The following GALNTL6 variants were observed in gnomAD, a reference collection of about 807,000 sequenced individuals.
GALNTL6 encodes the protein polypeptide N-acetylgalactosaminyltransferase like 6.
GALNTL6 carries 46 observed loss-of-function variants against 73.7 expected under a neutral mutation model. The ratio of observed to expected loss-of-function variants is 0.62; its 90% CI spans 0.49 to 0.80. The LOEUF is 0.80. Among genes scored for constraint, GALNTL6 ranks in the 30% least tolerant of loss-of-function variants. The pLI is 0.00. For synonymous variants in GALNTL6, 259 were observed against 263.7 expected (o/e 0.98, Z 0.17); for missense variants, 604 against 755.0 (o/e 0.80, Z 2.34).
intron 2 of GALNTL6, among the ~76,000 whole-genome samples, chr4:172,056,370 A>G (rs984851203): frequency 6.6e-6 from 1 of 152,154 alleles, no homozygotes; most frequent in Non-Finnish European, 1.5e-5. Flanking sequence ...TGATTAAAAT[A>G]TTTACTTTGT....
chr4:171,968,106 T>G (rs1739443790), intron 2 of GALNTL6, among the ~76,000 whole-genome samples: 1 of 152,200 alleles, frequency 6.6e-6, no homozygotes, highest in Admixed American at 6.5e-5. Flanking sequence ...CTGCCTGTTA[T>G]CTTCCCTCTC....
chr4:172,334,312 T>C (rs948627632), intron 4 of GALNTL6, among the ~76,000 whole-genome samples: 6 of 152,190 alleles, frequency 3.9e-5, no homozygotes, highest in Admixed American at 2.0e-4. Flanking sequence ...TTGATAGGGA[T>C]TGTGTTGAAT....
intron 2 of GALNTL6, among the ~76,000 whole-genome samples, chr4:171,934,639 C>A (rs1453434302): frequency 6.6e-6 from 1 of 152,060 alleles, no homozygotes; most frequent in African/African-American, 2.4e-5. Flanking sequence ...TGATCTTGAA[C>A]TCCTGGGCTC....
At position 172,157,655 on chromosome 4, in the gene GALNTL6, T is replaced by G. The variant is rs190844157; in HGVS notation, c.139-72001T>G. 7.5e-4 allele frequency among the ~76,000 whole-genome samples: 114 copies of G among 152,318 alleles called. 1 individual carries two copies. The highest frequency in any genetic ancestry group is 1.4e-3 in the Non-Finnish European group (94 of 68,026). On this transcript the variant is annotated intron_variant, in intron 2 of 12. Transcript: ENST00000506823. ...GACTCACTCTTAAGTGCCATTATCA[T>G]AAAGCTGATTTGTATTCAAAATACT...
intron 2 of GALNTL6, among the ~76,000 whole-genome samples, chr4:171,869,734 G>A (rs1465481377): frequency 6.6e-6 from 1 of 152,082 alleles, no homozygotes; most frequent in Non-Finnish European, 1.5e-5. Flanking sequence ...GACCCGGTGG[G>A]AGATAACTGA....
intron 2 of GALNTL6, among the ~76,000 whole-genome samples, chr4:172,024,766 G>A (rs1293745758): frequency 6.6e-6 from 1 of 151,842 alleles, no homozygotes; most frequent in Non-Finnish European, 1.5e-5. Flanking sequence ...ATAGATTTTT[G>A]TGATGAAAAA....
chr4:172,201,454 C>T (rs1321179518), intron 2 of GALNTL6, among the ~76,000 whole-genome samples: 1 of 151,746 alleles, frequency 6.6e-6, no homozygotes, highest in East Asian at 1.9e-4. Context: ...ATCTGCCCAC[C>T]TCAGCCTTCC....
chr4:172,207,027 C>T (rs540245957), intron 2 of GALNTL6, among the ~76,000 whole-genome samples: 212 of 151,208 alleles, frequency 1.4e-3, no homozygotes, highest in Non-Finnish European at 2.2e-3. Flanking sequence ...CCATGTTAGC[C>T]AGGATGATCT....
intron 5 of GALNTL6, among the ~76,000 whole-genome samples, chr4:172,599,687 G>A (rs1439212622): frequency 6.6e-6 from 1 of 152,036 alleles, no homozygotes; most frequent in Non-Finnish European, 1.5e-5. Context: ...AACTCTGCCG[G>A]TCTCAGAAGT....
At chr4:172,679,422 A>T (rs1579327414) in intron 5 of GALNTL6, among the ~76,000 whole-genome samples, 1 of 152,144 alleles carries the variant, frequency 6.6e-6, no homozygotes, top group African/African-American at 2.4e-5. Context: ...AAAAAAAAAA[A>T]AAAAGTAAAA....
Position 172,582,086 on chromosome 4 carries a change from GC to G in GALNTL6, c.554-227274del, listed in dbSNP as rs571970509. On this transcript the variant is annotated intron_variant, in intron 5 of 12. Coordinates refer to ENST00000506823, the MANE Select transcript of GALNTL6 (RefSeq NM_001034845.3). ...GAACTGGCTGTCAGCTAGAGCATGA[GC>G]TCTTGATTTAGAAAATTTGACCCAG... is the stretch of plus-strand genomic sequence containing the variant. 2.6e-4 allele frequency among the ~76,000 whole-genome samples: 40 copies of G among 152,286 alleles called. No homozygotes were observed. In the South Asian group the frequency reaches 7.9e-3, roughly 30 times the overall value.
chr4:171,852,200 T>C (rs1221588378), intron 2 of GALNTL6, among the ~76,000 whole-genome samples: 1 of 152,260 alleles, frequency 6.6e-6, no homozygotes, highest in Non-Finnish European at 1.5e-5. Context: ...TGCTTTTTTT[T>C]CTGTTGTCCA....
At chr4:172,224,812 A>G (rs1028877786) in intron 2 of GALNTL6, among the ~76,000 whole-genome samples, 3 of 152,132 alleles carry the variant, frequency 2.0e-5, no homozygotes, top group Non-Finnish European at 4.4e-5. Flanking sequence ...ACCTCTGGTA[A>G]ATACATTGCC....
At chr4:172,639,345 T>C (rs558430635) in intron 5 of GALNTL6, among the ~76,000 whole-genome samples, 1 of 152,226 alleles carries the variant, frequency 6.6e-6, no homozygotes, top group South Asian at 2.1e-4. Context: ...CACTTCCCTC[T>C]ATGTGTAGCT....
chr4:172,817,262 C>T (rs531614686), intron 7 of GALNTL6, among the ~76,000 whole-genome samples: 2 of 151,708 alleles, frequency 1.3e-5, no homozygotes, highest in East Asian at 1.9e-4. Flanking sequence ...CCTGTCTCTA[C>T]GAAAAAAATA....
intron 5 of GALNTL6, among the ~76,000 whole-genome samples, chr4:172,635,413 T>A (rs1173616027): frequency 6.6e-6 from 1 of 152,168 alleles, no homozygotes; most frequent in East Asian, 1.9e-4. Context: ...TTCAAACTCA[T>A]ATTAATCTAA....
intron 5 of GALNTL6, among the ~76,000 whole-genome samples, chr4:172,723,787 TAGG>T (rs10561139): frequency 0.77 from 116,298 of 151,704 alleles, 45,710 homozygotes; most frequent in Middle Eastern, 0.89. Context: ...CCATTCACTT[TAGG>T]TATCAAAGAG....
intron 5 of GALNTL6, among the ~76,000 whole-genome samples, chr4:172,524,887 A>G (rs984977556): frequency 1.3e-5 from 2 of 152,188 alleles, no homozygotes; most frequent in African/African-American, 2.4e-5. Context: ...AATAATTTCT[A>G]TGTTATGCTT....
At chr4:172,667,848 T>C (rs1007877262) in intron 5 of GALNTL6, 4 of 152,236 alleles carry the variant, frequency 2.6e-5, no homozygotes, top group Non-Finnish European at 5.9e-5. Flanking sequence ...CTCCTGCTTA[T>C]CACTGGGAGG....
Sources: allele counts gnomAD v4.1 joint callset (sites outside exome capture counted in the v4.1 genomes callset), GRCh38; gene constraint gnomAD v4.1.1; transcripts MANE v1.5; gene names NCBI Gene and HGNC (gene_info 2026-07-23, HGNC 2026-07-21).